CNTN5: variants seen among roughly 807,000 people sequenced by gnomAD.
CNTN5 encodes the protein contactin-5.
A neutral mutation model predicts 129.1 loss-of-function variants in CNTN5; 77 were observed. The ratio of observed to expected loss-of-function variants is 0.60; its 90% CI spans 0.50 to 0.72. The LOEUF is 0.72. Among genes scored for constraint, CNTN5 ranks in the 30% least tolerant of loss-of-function variants. The probability of loss-of-function intolerance (pLI) is 0.00; values close to 1 mark genes in which losing one functional copy is unlikely to be tolerated. For missense variants in CNTN5, 1,478 were observed against 1,328.8 expected (o/e 1.11, Z -1.75); for synonymous variants, 509 against 465.6 (o/e 1.09, Z -1.20).
intron 3 of CNTN5, among the ~76,000 whole-genome samples, chr11:99,794,330 A>T (rs1055842109): frequency 1.3e-5 from 2 of 151,710 alleles, no homozygotes; most frequent in African/African-American, 4.8e-5. Context: ...TGCATGTGAG[A>T]TGGGTCTTTT....
Position 99,906,166 on chromosome 11 carries a change from T to C in CNTN5, c.578-9888T>C, listed in dbSNP as rs116816890. ...TGATTGCCCTCTCTAGAACTTCCAATATCATGTTGAATAGGAGTGGTGAGA... is the reference window on the plus strand; with the variant it reads ...TGATTGCCCTCTCTAGAACTTCCAACATCATGTTGAATAGGAGTGGTGAGA... On this transcript the variant is annotated intron_variant, in intron 6 of 24. Coordinates refer to ENST00000524871, the MANE Select transcript of CNTN5 (RefSeq NM_014361.4). 5.0e-3 allele frequency among the ~76,000 whole-genome samples: 764 copies of C among 152,242 alleles called. 5 individuals carry two copies. The highest frequency in any genetic ancestry group is 0.017 in the African/African-American group (720 of 41,560).
intron 1 of CNTN5, among the ~76,000 whole-genome samples, chr11:99,257,607 G>A (rs937674970): frequency 1.3e-5 from 2 of 151,772 alleles, no homozygotes; most frequent in African/African-American, 2.4e-5. Context: ...AAATGGTTAC[G>A]CTTTGGATTC....
intron 1 of CNTN5, among the ~76,000 whole-genome samples, chr11:99,309,819 T>TA (rs1865033335): frequency 6.6e-6 from 1 of 152,174 alleles, no homozygotes; most frequent in Non-Finnish European, 1.5e-5. Flanking sequence ...TAAGTTTTTT[T>TA]TAAAAATTTA....
intron 6 of CNTN5, among the ~76,000 whole-genome samples, chr11:99,903,878 C>T (rs1294074503): frequency 6.6e-6 from 1 of 152,004 alleles, no homozygotes; most frequent in Non-Finnish European, 1.5e-5. Context: ...AGATACCTAT[C>T]AAAACAAGAC....
chr11:99,746,377 A>G (rs1944056471), intron 3 of CNTN5, among the ~76,000 whole-genome samples: 1 of 152,218 alleles, frequency 6.6e-6, no homozygotes, highest in Admixed American at 6.5e-5. Context: ...TTCAACTGAC[A>G]GTAAATGCTT....
intron 2 of CNTN5, among the ~76,000 whole-genome samples, chr11:99,447,462 T>C (rs1341045659): frequency 6.6e-6 from 1 of 152,172 alleles, no homozygotes; most frequent in Non-Finnish European, 1.5e-5. Flanking sequence ...ATAATAGAAA[T>C]CAAGTTAGCT....
At chr11:99,892,339 C>G (rs542109685) in intron 6 of CNTN5, among the ~76,000 whole-genome samples, 1 of 152,134 alleles carries the variant, frequency 6.6e-6, no homozygotes, top group African/African-American at 2.4e-5. Context: ...AATTAGATCC[C>G]GTTTGTCAAT....
chr11:99,493,873 A>G (rs1226730684), intron 2 of CNTN5, among the ~76,000 whole-genome samples: 1 of 144,620 alleles, frequency 6.9e-6, no homozygotes. Flanking sequence ...GATTTTACCA[A>G]GATTTACTAA....
In CNTN5 at chr11:100,230,455, C is replaced by T. The variant is rs531565573; in HGVS notation, c.2005+5643C>T. On this transcript the variant is annotated intron_variant, in intron 16 of 24. Transcript: ENST00000524871. ...TGGTTGCTTGCTAACCTGTAGAACTCTTAAACTGACAAAAAAGTAACATTT... is the reference window on the plus strand; with the variant it reads ...TGGTTGCTTGCTAACCTGTAGAACTTTTAAACTGACAAAAAAGTAACATTT... Among the ~76,000 whole-genome samples the T allele has an allele frequency of 1.4e-4, 22 of 152,214 alleles. 1 individual carries two copies. The South Asian group carries it at 4.1e-3, about 29-fold the overall frequency.
intron 2 of CNTN5, among the ~76,000 whole-genome samples, chr11:99,368,808 A>G (rs1939628353): frequency 6.6e-6 from 1 of 152,168 alleles, no homozygotes. Flanking sequence ...ACAGGCGACG[A>G]AGAATTATTC....
At chr11:100,180,333 G>T (rs1948101136) in intron 13 of CNTN5, among the ~76,000 whole-genome samples, 1 of 151,836 alleles carries the variant, frequency 6.6e-6, no homozygotes, top group African/African-American at 2.4e-5. Context: ...ACTGATTTTT[G>T]ACAAAAGCAA....
intron 13 of CNTN5, among the ~76,000 whole-genome samples, chr11:100,179,459 C>T (rs1483274795): frequency 6.6e-6 from 1 of 152,030 alleles, no homozygotes; most frequent in Non-Finnish European, 1.5e-5. Context: ...AGTACTGGTA[C>T]ACAATAGTAT....
chr11:99,236,491 CA>C, intron 1 of CNTN5, among the ~76,000 whole-genome samples: 1 of 149,206 alleles, frequency 6.7e-6, no homozygotes, highest in South Asian at 2.1e-4. Context: ...CACACACACA[CA>C]CACACAGAGA....
intron 2 of CNTN5, among the ~76,000 whole-genome samples, chr11:99,530,737 T>C (rs547608904): frequency 9.2e-5 from 14 of 152,318 alleles, no homozygotes; most frequent in African/African-American, 3.4e-4. Context: ...TGAATACGTC[T>C]CATGAGATCT....
intron 1 of CNTN5, among the ~76,000 whole-genome samples, chr11:99,127,772 C>T (rs541352671): frequency 8.7e-4 from 132 of 152,274 alleles, no homozygotes; most frequent in African/African-American, 3.1e-3. Flanking sequence ...CCTTACAAAG[C>T]ATTCCTTGAC....
chr11:99,656,470 C>G lies in CNTN5; in HGVS notation c.55+100201C>G, dbSNP rs759387882. 8.2e-4 allele frequency among the ~76,000 whole-genome samples: 125 copies of G among 152,084 alleles called. 5 individuals carry two copies. The highest frequency in any genetic ancestry group is 3.1e-4 in the Non-Finnish European group (21 of 67,998). On this transcript the variant is annotated intron_variant, in intron 3 of 24. Transcript: ENST00000524871. Reference sequence around the variant, plus strand: ...GCGCCAGGCGTAAGAGGAAAGAAAGCTAAATGCCTGCCCTTTAAGGCAACA... The same window carrying G: ...GCGCCAGGCGTAAGAGGAAAGAAAGGTAAATGCCTGCCCTTTAAGGCAACA...
At chr11:99,773,719 C>T (rs936498377) in intron 3 of CNTN5, among the ~76,000 whole-genome samples, 7 of 151,964 alleles carry the variant, frequency 4.6e-5, no homozygotes, top group East Asian at 1.9e-4. Flanking sequence ...TAAATGCGAA[C>T]GTTTAAAGTT....
chr11:99,270,721 T>C (rs1360453512), intron 1 of CNTN5, among the ~76,000 whole-genome samples: 3 of 151,996 alleles, frequency 2.0e-5, no homozygotes, highest in Admixed American at 6.6e-5. Context: ...CCTAATATTA[T>C]ACCGACATGC....
chr11:99,716,659 A>G (rs937339551), intron 3 of CNTN5, among the ~76,000 whole-genome samples: 3 of 152,062 alleles, frequency 2.0e-5, no homozygotes, highest in Admixed American at 1.3e-4. Context: ...TCTTACCCTC[A>G]GCATCCACAG....
Sources: gnomAD v4.1 joint callset for allele counts (sites outside exome capture counted in the v4.1 genomes callset) on GRCh38, gnomAD v4.1.1 for gene constraint, MANE v1.5 for transcripts, NCBI Gene and HGNC (gene_info 2026-07-23, HGNC 2026-07-21) for gene names.